MEI4: variants seen among roughly 807,000 people sequenced by gnomAD.
MEI4 encodes meiosis-specific protein MEI4.
In MEI4, 27 loss-of-function variants were observed where a neutral mutation model predicts 31.4. The ratio of observed to expected loss-of-function variants is 0.86; its 90% CI spans 0.63 to 1.19. MEI4 has a LOEUF of 1.19. MEI4 is among the 50% of genes most tolerant of loss of function. MEI4 has a pLI of 0.00. For synonymous variants in MEI4, 122 were observed against 145.4 expected (o/e 0.84, Z 1.16); for missense variants, 329 against 398.9 (o/e 0.82, Z 1.49).
chr6:77,695,847 C>T (rs1267022881), intron 2 of MEI4, among the ~76,000 whole-genome samples: 5 of 152,112 alleles, frequency 3.3e-5, no homozygotes, highest in Non-Finnish European at 5.9e-5. Context: ...CTGTAAATTA[C>T]CTTGGGCAGT....
At chr6:77,793,134 A>C (rs546153768) in intron 3 of MEI4, among the ~76,000 whole-genome samples, 4 of 152,020 alleles carry the variant, frequency 2.6e-5, no homozygotes, top group Non-Finnish European at 5.9e-5. Context: ...TTAAAGAGAG[A>C]CTCTTGAAAG....
intron 3 of MEI4, among the ~76,000 whole-genome samples, chr6:77,766,866 G>A (rs896887131): frequency 1.3e-5 from 2 of 152,082 alleles, no homozygotes; most frequent in African/African-American, 4.8e-5. Context: ...AGTGTTTGTT[G>A]TATGTTTCTC....
At chr6:77,744,612 C>T (rs750433503) in intron 2 of MEI4, among the ~76,000 whole-genome samples, 1 of 152,160 alleles carries the variant, frequency 6.6e-6, no homozygotes, top group Non-Finnish European at 1.5e-5. Context: ...TCAGGAAATA[C>T]AGAGAACGCC....
chr6:77,734,496 C>A (rs1767119813), intron 2 of MEI4, among the ~76,000 whole-genome samples: 1 of 151,948 alleles, frequency 6.6e-6, no homozygotes, highest in Non-Finnish European at 1.5e-5. Context: ...CTTGGTAGAT[C>A]TTCCTCCAAT....
Position 77,796,589 on chromosome 6 carries a change from C to T in MEI4, c.769-32342C>T, listed in dbSNP as rs537430676. On this transcript the variant is annotated intron_variant, in intron 3 of 4. Transcript: ENST00000684080. ...CTAACAACAAACTATCTGAAAAATA[C>T]ATCAAGGAAGCAATCCCATTTATAA... Among the ~76,000 whole-genome samples, 4 of 152,176 alleles carry T rather than the reference C, an allele frequency of 2.6e-5. No individual in the cohort carries two copies. In the East Asian group the frequency reaches 7.7e-4, roughly 29 times the overall value.
chr6:77,841,333 A>ATATATATATATATTTATTTAT, intron 4 of MEI4, among the ~76,000 whole-genome samples: 1 of 27,748 alleles, frequency 3.6e-5, no homozygotes, highest in Non-Finnish European at 5.2e-5. Flanking sequence ...ATATATATAT[A>ATATATATATATATTTATTTAT]TTTTTTTTTT....
chr6:77,662,550 T>G (rs1488772309), intron 1 of MEI4, among the ~76,000 whole-genome samples: 1 of 151,872 alleles, frequency 6.6e-6, no homozygotes, highest in African/African-American at 2.4e-5. Flanking sequence ...GAAAATAAAT[T>G]TTGGAAATTA....
chr6:77,905,040 C>T (rs530253840), intron 4 of MEI4, among the ~76,000 whole-genome samples: 1 of 152,134 alleles, frequency 6.6e-6, no homozygotes. Flanking sequence ...CATTTTCTTA[C>T]CTTAAATAAC....
upstream of MEI4, among the ~76,000 whole-genome samples, chr6:77,651,134 TG>T (rs1234261098): frequency 1.3e-5 from 2 of 152,066 alleles, no homozygotes; most frequent in African/African-American, 4.8e-5. Context: ...GTGTGGGACA[TG>T]GGGGCTTGAG....
intron 2 of MEI4, among the ~76,000 whole-genome samples, chr6:77,731,415 A>T (rs1463157217): frequency 8.6e-5 from 13 of 151,352 alleles, no homozygotes; most frequent in Non-Finnish European, 1.8e-4. Flanking sequence ...TTTTGGCTGC[A>T]TAAATGTCTT....
intron 3 of MEI4, among the ~76,000 whole-genome samples, chr6:77,819,203 G>C (rs1007444631): frequency 2.0e-5 from 3 of 151,976 alleles, no homozygotes; most frequent in Non-Finnish European, 2.9e-5. Flanking sequence ...CCATTTCTAT[G>C]TCAATTACTT....
chr6:77,799,122 G>A (rs1166156355), intron 3 of MEI4, among the ~76,000 whole-genome samples: 140 of 152,128 alleles, frequency 9.2e-4, no homozygotes, highest in African/African-American at 2.9e-3. Context: ...GTGTCAAAGT[G>A]TTCCTATTTC....
At chr6:77,657,483 ATTCTTTGTGCACTGTCAGCATCCTG>A (rs1768418868) in intron 1 of MEI4, among the ~76,000 whole-genome samples, 1 of 59,780 alleles carries the variant, frequency 1.7e-5, no homozygotes, top group African/African-American at 9.7e-5. Context: ...AGCTTCCTGT[ATTCTTTGTGCACTGTCAGCATCCTG>A]GCTTAGTTCT....
intron 3 of MEI4, among the ~76,000 whole-genome samples, chr6:77,813,174 A>G (rs571243615): frequency 3.3e-5 from 5 of 152,220 alleles, no homozygotes; most frequent in African/African-American, 1.2e-4. Context: ...TGGAAAAGAT[A>G]TATTTGTGTC....
intron 2 of MEI4, among the ~76,000 whole-genome samples, chr6:77,705,324 A>G (rs1766308530): frequency 6.6e-6 from 1 of 152,242 alleles, no homozygotes; most frequent in Non-Finnish European, 1.5e-5. Context: ...CAATCCATAG[A>G]AAAGTACATA....
At chr6:77,901,303 T>C (rs1293622992) in intron 4 of MEI4, among the ~76,000 whole-genome samples, 3 of 152,026 alleles carry the variant, frequency 2.0e-5, no homozygotes, top group Non-Finnish European at 4.4e-5. Context: ...CTGTTTTCTG[T>C]AATGACTCAC....
chr6:77,743,705 T>G (rs966816013), intron 2 of MEI4, among the ~76,000 whole-genome samples: 2 of 152,150 alleles, frequency 1.3e-5, no homozygotes, highest in African/African-American at 4.8e-5. Context: ...GCAGCCTAAC[T>G]GGGAGGCACC....
intron 4 of MEI4, among the ~76,000 whole-genome samples, chr6:77,868,502 CATATATATAT>C (rs58946198): frequency 4.4e-5 from 4 of 90,066 alleles, no homozygotes; most frequent in Non-Finnish European, 6.9e-5. Context: ...AAAAATACTA[CATATATATAT>C]ATATATATAT....
At chr6:77,834,195 A>G (rs1002848041) in intron 4 of MEI4, among the ~76,000 whole-genome samples, 4 of 152,036 alleles carry the variant, frequency 2.6e-5, no homozygotes, top group African/African-American at 9.7e-5. Flanking sequence ...AGAGTTGTTT[A>G]TGGAACATTT....
Sources: allele counts gnomAD v4.1 joint callset (sites outside exome capture counted in the v4.1 genomes callset), GRCh38; gene constraint gnomAD v4.1.1; transcripts MANE v1.5; gene names NCBI Gene and HGNC (gene_info 2026-07-23, HGNC 2026-07-21).